Variants in CLCC1 observed in about 807,000 individuals in gnomAD.
The protein encoded by CLCC1 is chloride channel CLIC-like protein 1.
A neutral mutation model predicts 63.3 loss-of-function variants in CLCC1; 39 were observed. The observed-to-expected ratio is 0.62, with a 90% CI of 0.48 to 0.81. CLCC1 has a LOEUF of 0.81. CLCC1 is among the 30% of genes least tolerant of loss of function. CLCC1 has a pLI of 0.00. For synonymous variants in CLCC1, 217 were observed against 239.8 expected (o/e 0.90, Z 0.88); for missense variants, 549 against 669.4 (o/e 0.82, Z 1.98).
chr1:108,936,300 T>C (rs1434578732), intron 11 of CLCC1, among the ~76,000 whole-genome samples: 4 of 152,196 alleles, frequency 2.6e-5, no homozygotes, highest in Non-Finnish European at 5.9e-5. Context: ...CTTTGCCACG[T>C]TGGCCAGGCT....
chr1:108,950,058 A>C, intron 3 of CLCC1, 137 bp from the exon 4 acceptor site: 3 of 673,648 alleles, frequency 4.5e-6, no homozygotes, highest in South Asian at 2.3e-5. Flanking sequence ...CTGAACCACA[A>C]AAAAAAAGTT....
At chr1:108,940,227 C>T in intron 8 of CLCC1, 85 bp from the exon 9 acceptor site, 1 of 773,074 alleles carries the variant, frequency 1.3e-6, no homozygotes, top group Non-Finnish European at 2.1e-6. Context: ...TGGTTTTGAC[C>T]CTCCCTGACC....
chr1:108,963,280 G>A, intron 1 of CLCC1, 81 bp downstream of exon 1: 1 of 663,188 alleles, frequency 1.5e-6, no homozygotes, highest in East Asian at 2.8e-5. Context: ...TCTGCGCCGC[G>A]AGTCCGCTGG....
At position 108,931,162 on chromosome 1, in the gene CLCC1, A is replaced by G. The variant is rs1046896941; in HGVS notation, c.*1385T>C. 1.4e-6 allele frequency: 1 copy of G among 704,400 alleles called. No individual in the cohort carries two copies. Among genetic ancestry groups the G allele is most frequent in the Non-Finnish European group, 2.2e-6 (1 of 464,454 alleles). The allele number at this position is 704,400 out of a possible 1,614,324, so 43.6% of individuals were successfully genotyped here. On this transcript the variant is annotated 3_prime_UTR_variant, in exon 13 of 13. Transcript: ENST00000369969. ...AACAAACTTTTCTAAGTTCTAATATAAAAACAAAAAACAAAACCCATGTGG... is the reference window on the plus strand; with the variant it reads ...AACAAACTTTTCTAAGTTCTAATATGAAAACAAAAAACAAAACCCATGTGG...
At chr1:108,953,066 C>G (rs1438591387) in intron 2 of CLCC1, among the ~76,000 whole-genome samples, 1 of 152,112 alleles carries the variant, frequency 6.6e-6, no homozygotes, top group Non-Finnish European at 1.5e-5. Flanking sequence ...AGGGTGGATA[C>G]AGAACATTTG....
Position 108,944,067 on chromosome 1 carries a change from A to G in CLCC1, c.340-10T>C. 1.9e-6 allele frequency: 3 copies of G among 1,553,946 alleles called. No homozygotes were observed. Among genetic ancestry groups the G allele is most frequent in the Non-Finnish European group, 2.6e-6 (3 of 1,148,552 alleles). ...CTTTGTTTTCATCAGGCTAAATTAA[A>G]TTTACCAAAAAACAAACAATAGAAA... On this transcript the variant is annotated splice_polypyrimidine_tract_variant and intron_variant, in intron 5 of 12. Coordinates refer to ENST00000369969, the MANE Select transcript of CLCC1 (RefSeq NM_001377458.1).
chr1:108,937,228 G>C lies in CLCC1; in HGVS notation c.1232C>G (p.Pro411Arg), dbSNP rs765337009. The change falls in exon 11 of 13, where the codon CCT becomes CGT. Residue 411 changes from proline (P) to arginine (R), a missense_variant. By Grantham distance (103) the Pro-to-Arg change is moderately radical. Coordinates refer to ENST00000369969, the MANE Select transcript of CLCC1 (RefSeq NM_001377458.1). ...TCTACCCTCATACGTTTTGGCATAA[G>C]GGCCTTGCTCAGTGGGGCCCATTTG... ...RGQMGPTEQG[P>R]YAKTYEGRRE... 7 of 1,613,594 alleles carry C rather than the reference G, an allele frequency of 4.3e-6. No individual in the cohort carries two copies. The African/African-American group carries it at 6.7e-5, about 15-fold the overall frequency.
intron 1 of CLCC1, among the ~76,000 whole-genome samples, chr1:108,963,125 C>T (rs1656883490): frequency 6.6e-6 from 1 of 152,226 alleles, no homozygotes. Context: ...GGGCCAAGCA[C>T]CTCCCCGGAA....
chr1:108,940,178 T>C (rs753587403), intron 8 of CLCC1, 36 bp from the exon 9 acceptor site: 3 of 1,394,482 alleles, frequency 2.2e-6, no homozygotes, highest in Non-Finnish European at 2.0e-6. Context: ...TGATCATTTC[T>C]TTTAATGTTG....
At chr1:108,941,126 G>A (rs557405469) in intron 8 of CLCC1, among the ~76,000 whole-genome samples, 45 of 152,180 alleles carry the variant, frequency 3.0e-4, no homozygotes, top group Non-Finnish European at 5.6e-4. Context: ...TGCAAAGAAC[G>A]AGATGAACAA....
At chr1:108,956,907 G>GGGAGGCGGGGAGGCGGGGAGGCGA (rs1655984953) in intron 2 of CLCC1, among the ~76,000 whole-genome samples, 1 of 149,748 alleles carries the variant, frequency 6.7e-6, no homozygotes, top group Non-Finnish European at 1.5e-5. Context: ...CGGGGAGGCG[G>GGGAGGCGGGGAGGCGGGGAGGCGA]GGAGGGAGTG....
At chr1:108,935,669 G>A (rs1340169790) in intron 11 of CLCC1, among the ~76,000 whole-genome samples, 1 of 152,184 alleles carries the variant, frequency 6.6e-6, no homozygotes, top group Non-Finnish European at 1.5e-5. Context: ...AGAAGGCTGA[G>A]GCAAAAGAAT....
chr1:108,947,511 G>C lies in CLCC1; in HGVS notation c.339+100C>G, dbSNP rs1163384004. ...TTAAAGAGTCAGTCAGGTGGTCTCT[G>C]TTAAAAAGCATCATGATGCTTTCAC... is the stretch of plus-strand genomic sequence containing the variant. On this transcript the variant is annotated intron_variant, in intron 5 of 12. Coordinates refer to ENST00000369969, the MANE Select transcript of CLCC1 (RefSeq NM_001377458.1). 3 of 713,834 alleles carry C rather than the reference G, an allele frequency of 4.2e-6. No homozygotes were observed. In the Admixed American group the frequency reaches 9.4e-5, roughly 22 times the overall value. The allele number at this position is 713,834 out of a possible 1,614,324, so 44.2% of individuals were successfully genotyped here. A position where few individuals can be genotyped will look rare whatever the true frequency, so the allele number is the denominator to read the frequency against.
intron 2 of CLCC1, among the ~76,000 whole-genome samples, chr1:108,961,776 T>C (rs1312430192): frequency 6.6e-6 from 1 of 152,016 alleles, no homozygotes; most frequent in Non-Finnish European, 1.5e-5. Flanking sequence ...GGAGAATTGC[T>C]TGAACCCAGA....
chr1:108,951,784 T>TG, intron 2 of CLCC1, among the ~76,000 whole-genome samples: 1 of 150,578 alleles, frequency 6.6e-6, no homozygotes, highest in Admixed American at 6.6e-5. Context: ...TTTTTTTTTT[T>TG]GAGACAGGGT....
intron 7 of CLCC1, among the ~76,000 whole-genome samples, chr1:108,942,346 A>G (rs954280011): frequency 6.6e-6 from 1 of 152,250 alleles, no homozygotes; most frequent in Non-Finnish European, 1.5e-5. Flanking sequence ...GATAATTTCC[A>G]GTACAATGAC....
At position 108,943,867 on chromosome 1, in the gene CLCC1, G is replaced by C. The variant is rs535996305; in HGVS notation, c.530C>G (p.Ser177Cys). 1 of 1,613,578 alleles carries C rather than the reference G, an allele frequency of 6.2e-7. No homozygotes were observed. Among genetic ancestry groups the C allele is most frequent in the Middle Eastern group, 1.7e-4 (1 of 6,052 alleles). ...CACATTATATGGATCCACTCCAAAG[G>C]AATCTTCGAATCGCCACTTCCATGT... The part of the protein sequence containing the change: ...FETWKWRFED[S>C]FGVDPYNVLM... The change falls in exon 6 of 13, where the codon TCC (serine) becomes TGC (cysteine). Residue 177 changes from serine to cysteine, a missense_variant. Transcript: ENST00000369969.
chr1:108,935,064 G>A (rs999353351), intron 11 of CLCC1, 122 bp from the exon 12 acceptor site: 13 of 898,834 alleles, frequency 1.4e-5, no homozygotes, highest in Non-Finnish European at 2.0e-5. Flanking sequence ...TCAAATCCAG[G>A]GTCCAGTGCT....
chr1:108,937,295 G>T lies in CLCC1; in HGVS notation c.1165C>A (p.Pro389Thr). Residue 389 changes from proline (P) to threonine (T), a missense_variant, in exon 11 of 13, where the codon CCT becomes ACT. By Grantham distance (38) the Pro-to-Thr change is conservative. Transcript: ENST00000369969. ...RRRQEEIDYR[P>T]DGGAGDADFH... ...TCGGCATCACCTGCTCCACCATCAG[G>T]TCTATAATCAATTTCCTCCTGCCGT... is the stretch of plus-strand genomic sequence containing the variant. 1 of 1,614,226 alleles carries T rather than the reference G, an allele frequency of 6.2e-7. No individual in the cohort carries two copies. The highest frequency in any genetic ancestry group is 1.1e-5 in the South Asian group (1 of 91,082).
Sources: allele counts gnomAD v4.1 joint callset (sites outside exome capture counted in the v4.1 genomes callset), GRCh38; gene constraint gnomAD v4.1.1; transcripts MANE v1.5; gene names NCBI Gene and HGNC (gene_info 2026-07-23, HGNC 2026-07-21).